Variants in KALRN observed in about 807,000 individuals in gnomAD.
KALRN encodes kalirin.
KALRN carries 70 observed loss-of-function variants against 353.7 expected under a neutral mutation model. That is an observed-to-expected ratio of 0.20 (90% CI 0.16 to 0.24). The LOEUF (loss-of-function observed/expected upper bound fraction) is 0.24, where lower values mean the gene tolerates loss of function less well. Ranked by LOEUF, KALRN falls within the 10% of genes least tolerant of loss-of-function variation. The pLI is 1.00. For missense variants in KALRN, 2,791 were observed against 3,756.7 expected (o/e 0.74, Z 6.72); for synonymous variants, 1,391 against 1,434.8 (o/e 0.97, Z 0.69).
At chr3:124,533,087 A>AT (rs1485186003) in intron 33 of KALRN, among the ~76,000 whole-genome samples, 1 of 150,796 alleles carries the variant, frequency 6.6e-6, no homozygotes, top group Non-Finnish European at 1.5e-5. Flanking sequence ...TAAAATAGTA[A>AT]TTTTTAAAAA....
intron 1 of KALRN, among the ~76,000 whole-genome samples, chr3:124,140,447 C>T (rs1235915892): frequency 7.9e-5 from 12 of 152,198 alleles, no homozygotes; most frequent in Admixed American, 7.9e-4. Flanking sequence ...TCTGTCAGAC[C>T]TTATCTTGAG....
At chr3:124,514,404 T>A (rs891101747) in intron 33 of KALRN, among the ~76,000 whole-genome samples, 2 of 152,106 alleles carry the variant, frequency 1.3e-5, no homozygotes, top group Non-Finnish European at 2.9e-5. Context: ...CCCTAAGAAG[T>A]CACTGCTATA....
At chr3:124,242,124 C>T (rs1292297206) in intron 3 of KALRN, among the ~76,000 whole-genome samples, 2 of 152,036 alleles carry the variant, frequency 1.3e-5, no homozygotes, top group Non-Finnish European at 2.9e-5. Context: ...ATTAAAATTG[C>T]CTTTTAGAAG....
rs980613201 is a variant in KALRN, at chr3:124,514,609, C to T, written c.4935+18196C>T. ...ATCCTCATTTTGCAGATGAGGAAAA[C>T]GTCACTCCAAGAGGTTGAATAATTT... On this transcript the variant is annotated intron_variant, in intron 33 of 59. Transcript: ENST00000682506. 7.2e-5 allele frequency among the ~76,000 whole-genome samples: 11 copies of T among 152,096 alleles called. No homozygotes were observed. The South Asian group carries it at 8.3e-4, about 11-fold the overall frequency.
intron 34 of KALRN, among the ~76,000 whole-genome samples, chr3:124,607,147 AC>A (rs1204960732): frequency 5.3e-5 from 8 of 152,260 alleles, no homozygotes; most frequent in Non-Finnish European, 1.2e-4. Context: ...AAGAACATGG[AC>A]AGTGACATTG....
chr3:124,123,400 A>G (rs1376262287), intron 1 of KALRN, among the ~76,000 whole-genome samples: 2 of 152,208 alleles, frequency 1.3e-5, no homozygotes, highest in Non-Finnish European at 2.9e-5. Flanking sequence ...ACATTCCTTT[A>G]AACCAAAGCC....
intron 11 of KALRN, among the ~76,000 whole-genome samples, chr3:124,391,794 C>A (rs2089427374): frequency 6.6e-6 from 1 of 152,162 alleles, no homozygotes; most frequent in African/African-American, 2.4e-5. Context: ...TGCACCATGT[C>A]CACAATTTCA....
At chr3:124,349,207 A>C (rs979383849) in intron 10 of KALRN, among the ~76,000 whole-genome samples, 12 of 152,318 alleles carry the variant, frequency 7.9e-5, no homozygotes, top group African/African-American at 2.9e-4. Flanking sequence ...CATTATACTA[A>C]GTGAAATAAG....
At chr3:124,534,568 G>T (rs1470550206) in intron 33 of KALRN, among the ~76,000 whole-genome samples, 11 of 152,140 alleles carry the variant, frequency 7.2e-5, no homozygotes, top group African/African-American at 2.4e-4. Flanking sequence ...TGGCATCTAA[G>T]CTACATATGA....
intron 1 of KALRN, 99 bp from the exon 2 acceptor site, chr3:124,227,891 T>C (rs2078749052): frequency 2.1e-6 from 2 of 954,400 alleles, no homozygotes; most frequent in Admixed American, 1.7e-5. Flanking sequence ...AGGCAGGACT[T>C]GCCGGCTGAT....
chr3:124,690,018 C>A (rs2061738031), intron 51 of KALRN, among the ~76,000 whole-genome samples: 1 of 152,062 alleles, frequency 6.6e-6, no homozygotes, highest in Non-Finnish European at 1.5e-5. Flanking sequence ...GATTCCTGAG[C>A]AAGTTCATGG....
At chr3:124,280,866 T>G (rs1174504259) in intron 5 of KALRN, among the ~76,000 whole-genome samples, 1 of 152,110 alleles carries the variant, frequency 6.6e-6, no homozygotes, top group Non-Finnish European at 1.5e-5. Flanking sequence ...AAAGCCCAAC[T>G]CAAGGGTATC....
chr3:124,511,169 A>G (rs1228091577), intron 33 of KALRN, among the ~76,000 whole-genome samples: 1 of 151,964 alleles, frequency 6.6e-6, no homozygotes, highest in African/African-American at 2.4e-5. Flanking sequence ...CATTCAGGGC[A>G]TACGTTGCCC....
At chr3:124,232,028 A>T (rs551529990) in intron 2 of KALRN, among the ~76,000 whole-genome samples, 1 of 152,274 alleles carries the variant, frequency 6.6e-6, no homozygotes, top group South Asian at 2.1e-4. Context: ...CCTTACTTTG[A>T]CCTTTCTGAT....
chr3:124,468,583 C>A (rs1186367520), intron 25 of KALRN, among the ~76,000 whole-genome samples: 1 of 152,138 alleles, frequency 6.6e-6, no homozygotes, highest in East Asian at 1.9e-4. Flanking sequence ...TGGTTTCTCA[C>A]GTATGGAAAA....
Position 124,632,443 on chromosome 3 carries a change from G to T in KALRN, c.5206G>T (p.Glu1736Ter). ...AGATGCATACTCTCATTCCTCAAGC[G>T]AGAATGGAGGCAAGTCCGAGTCCGT... The part of the protein sequence containing the change: ...VKDAYSHSSS[E>*]NGGKSESVAN... The change falls in exon 35 of 60, where the codon GAG becomes TAG. Residue 1736 changes from glutamate (E) to a stop codon, truncating the protein, a stop_gained. Coordinates refer to ENST00000682506, the MANE Select transcript of KALRN (RefSeq NM_001388419.1). LOFTEE classifies it high-confidence loss of function. The T allele has an allele frequency of 6.2e-7, 1 of 1,613,876 alleles. No individual in the cohort carries two copies. Among genetic ancestry groups the T allele is most frequent in the Non-Finnish European group, 8.5e-7 (1 of 1,179,892 alleles).
At chr3:124,580,279 C>T (rs34584919) in intron 34 of KALRN, among the ~76,000 whole-genome samples, 25,373 of 148,742 alleles carry the variant, frequency 0.17, 2,269 homozygotes, top group Middle Eastern at 0.2. Flanking sequence ...AACTATGCTG[C>T]GTATTACAGA....
intron 1 of KALRN, among the ~76,000 whole-genome samples, chr3:124,076,148 T>C (rs149039116): frequency 5.3e-5 from 8 of 152,204 alleles, no homozygotes; most frequent in South Asian, 2.1e-4. Flanking sequence ...AGGAGCCCAA[T>C]TGGGAAGCTC....
chr3:124,401,655 A>G (rs2090889808), intron 13 of KALRN, among the ~76,000 whole-genome samples: 2 of 152,142 alleles, frequency 1.3e-5, no homozygotes, highest in Admixed American at 6.5e-5. Context: ...AGGGAGAGAA[A>G]AATCATGATA....
Sources: gnomAD v4.1 joint callset for allele counts (sites outside exome capture counted in the v4.1 genomes callset) on GRCh38, gnomAD v4.1.1 for gene constraint, MANE v1.5 for transcripts, NCBI Gene and HGNC (gene_info 2026-07-23, HGNC 2026-07-21) for gene names.